Variants in GPR89A observed in about 807,000 individuals in gnomAD.
GPR89A encodes the protein golgi pH regulator A, also known as G protein-coupled receptor 89A.
Under a neutral mutation model 52.0 loss-of-function variants are expected in GPR89A, and 16 were observed. That is an observed-to-expected ratio of 0.31 (90% CI 0.21 to 0.47). The LOEUF (loss-of-function observed/expected upper bound fraction) is 0.47, where lower values mean the gene tolerates loss of function less well. GPR89A is among the 20% of genes least tolerant of loss of function. The pLI, the probability that GPR89A is intolerant of heterozygous loss-of-function variation, is 1.00. For missense variants in GPR89A, 135 were observed against 449.4 expected (o/e 0.30, Z 6.33); for synonymous variants, 55 against 150.9 (o/e 0.36, Z 4.66).
intron 1 of GPR89A, among the ~76,000 whole-genome samples, chr1:145,612,900 G>T (rs1384201477): frequency 6.6e-6 from 1 of 151,704 alleles, no homozygotes; most frequent in African/African-American, 2.4e-5. Context: ...CACTGCTTTA[G>T]CTCCCATTCA....
intron 8 of GPR89A, chr1:145,645,801 C>G: frequency 2.6e-6 from 1 of 378,788 alleles, no homozygotes; most frequent in Non-Finnish European, 5.1e-6. Context: ...GTTCCCTTTT[C>G]TAACATTATA....
chr1:145,640,187 A>C (rs1347514534), intron 7 of GPR89A, among the ~76,000 whole-genome samples: 1 of 142,218 alleles, frequency 7.0e-6, no homozygotes, highest in African/African-American at 2.6e-5. Flanking sequence ...ATTGCCCTCC[A>C]GCCTGGGCAA....
At chr1:145,636,291 G>A (rs1321412113) in intron 7 of GPR89A, among the ~76,000 whole-genome samples, 1 of 142,878 alleles carries the variant, frequency 7.0e-6, no homozygotes, top group African/African-American at 2.7e-5. Context: ...CCACAATATA[G>A]AAAAACTGTT....
chr1:145,648,044 A>T (rs1553692935), intron 10 of GPR89A, among the ~76,000 whole-genome samples: 2 of 142,624 alleles, frequency 1.4e-5, no homozygotes, highest in African/African-American at 5.2e-5. Flanking sequence ...TACCTAAAAA[A>T]TTAAGTTCAC....
chr1:145,624,623 T>C (rs1477752293), intron 5 of GPR89A, among the ~76,000 whole-genome samples: 4 of 149,970 alleles, frequency 2.7e-5, no homozygotes, highest in Non-Finnish European at 5.9e-5. Flanking sequence ...AAGTGATTAA[T>C]TATACAGTAT....
chr1:145,645,692 C>CA (rs1272950697), intron 8 of GPR89A: 1 of 453,704 alleles, frequency 2.2e-6, no homozygotes, highest in Non-Finnish European at 4.4e-6. Context: ...TGGCATAAGA[C>CA]AATCCCATGA....
intron 12 of GPR89A, among the ~76,000 whole-genome samples, chr1:145,667,469 T>C (rs1652645374): frequency 1.3e-5 from 2 of 152,176 alleles, no homozygotes; most frequent in Non-Finnish European, 1.5e-5. Flanking sequence ...TTCTGGATAT[T>C]AGCCCTTTGT....
chr1:145,658,894 C>T (rs1246693531), intron 10 of GPR89A, among the ~76,000 whole-genome samples: 2 of 152,198 alleles, frequency 1.3e-5, no homozygotes, highest in Non-Finnish European at 2.9e-5. Context: ...TCTCCTGCCT[C>T]AGCCGCCTGA....
intron 1 of GPR89A, among the ~76,000 whole-genome samples, chr1:145,614,463 G>A (rs1553686649): frequency 6.6e-6 from 1 of 152,102 alleles, no homozygotes; most frequent in East Asian, 1.9e-4. Context: ...ATAGCACGTA[G>A]GAGTTATTAC....
At chr1:145,616,348 A>C in intron 2 of GPR89A, 55 bp downstream of exon 2, 1 of 1,438,168 alleles carries the variant, frequency 7.0e-7, no homozygotes, top group Admixed American at 1.9e-5. Flanking sequence ...TTGACAAGAA[A>C]AATGTCTCCA....
At chr1:145,647,841 TCTCCTCCTC>T (rs1559041899) in intron 10 of GPR89A, among the ~76,000 whole-genome samples, 728 of 17,416 alleles carry the variant, frequency 0.042, 28 homozygotes, top group Middle Eastern at 0.1. Flanking sequence ...TCTCTCTCTC[TCTCCTCCTC>T]CTCTCTCTCT....
At chr1:145,637,766 CT>C (rs1246436755) in intron 7 of GPR89A, among the ~76,000 whole-genome samples, 1 of 152,174 alleles carries the variant, frequency 6.6e-6, no homozygotes, top group South Asian at 2.1e-4. Context: ...GAAATGGAAA[CT>C]TTTAAAAAAC....
At chr1:145,615,833 T>C (rs1648644519) in intron 1 of GPR89A, among the ~76,000 whole-genome samples, 1 of 152,098 alleles carries the variant, frequency 6.6e-6, no homozygotes, top group African/African-American at 2.4e-5. Flanking sequence ...TTGGCCAGAC[T>C]GGTCTTGAAC....
chr1:145,621,887 A>T (rs1184317860), intron 3 of GPR89A, among the ~76,000 whole-genome samples: 2 of 121,056 alleles, frequency 1.7e-5, no homozygotes, highest in African/African-American at 6.4e-5. Flanking sequence ...ACCACTTCAC[A>T]CCAACTAAAA....
intron 5 of GPR89A, among the ~76,000 whole-genome samples, chr1:145,626,231 G>A (rs1281946844): frequency 6.7e-6 from 1 of 150,212 alleles, no homozygotes; most frequent in African/African-American, 2.5e-5. Context: ...TGCTGACAGG[G>A]CAAATACAGT....
At chr1:145,622,908 G>A (rs1392712605) in intron 3 of GPR89A, 146 bp from the exon 4 acceptor site, 1 of 1,193,812 alleles carries the variant, frequency 8.4e-7, no homozygotes, top group Non-Finnish European at 1.2e-6. Context: ...CTACAAATGA[G>A]TAGATTTTAA....
chr1:145,624,491 C>G (rs1649354017), intron 5 of GPR89A, among the ~76,000 whole-genome samples: 1 of 149,356 alleles, frequency 6.7e-6, no homozygotes, highest in Admixed American at 6.6e-5. Context: ...CTACAGGTTT[C>G]ATGCTGGAAC....
chr1:145,639,988 C>T (rs1176241469), intron 7 of GPR89A, among the ~76,000 whole-genome samples: 8 of 151,830 alleles, frequency 5.3e-5, no homozygotes, highest in African/African-American at 1.2e-4. Flanking sequence ...GAAGCCAAGG[C>T]GGACGGATCA....
At position 145,608,005 on chromosome 1, in the gene GPR89A, G is replaced by C. The variant is rs587758988; in HGVS notation, c.-129G>C. On this transcript the variant is annotated 5_prime_UTR_variant, in exon 1 of 14. Coordinates refer to ENST00000313835, the MANE Select transcript of GPR89A (RefSeq NM_001097612.2). ...ACTGGGGCGCAGCTTGATGGCGTCGGGCTGGAGAGCCGCAGTCCCGGCTGC... is the reference window on the plus strand; with the variant it reads ...ACTGGGGCGCAGCTTGATGGCGTCGCGCTGGAGAGCCGCAGTCCCGGCTGC... The C allele has an allele frequency of 1.8e-4, 187 of 1,060,406 alleles. No individual in the cohort carries two copies. In the African/African-American group the frequency reaches 2.3e-3, roughly 13 times the overall value. 65.7% of individuals were successfully genotyped at this position (1,060,406 alleles called of 1,614,324 possible). A position where few individuals can be genotyped will look rare whatever the true frequency, so the allele number is the denominator to read the frequency against.
Sources: gnomAD v4.1 joint callset for allele counts (sites outside exome capture counted in the v4.1 genomes callset) on GRCh38, gnomAD v4.1.1 for gene constraint, MANE v1.5 for transcripts, NCBI Gene and HGNC (gene_info 2026-07-23, HGNC 2026-07-21) for gene names.